USP24: variants seen among roughly 807,000 people sequenced by gnomAD.
USP24 encodes the protein ubiquitin specific peptidase 24.
USP24 carries 97 observed loss-of-function variants against 361.6 expected under a neutral mutation model. The ratio of observed to expected loss-of-function variants is 0.27; its 90% CI spans 0.23 to 0.32. The LOEUF (loss-of-function observed/expected upper bound fraction) is 0.32, where lower values mean the gene tolerates loss of function less well. Among genes scored for constraint, USP24 ranks in the 10% least tolerant of loss-of-function variants. USP24 has a pLI of 1.00. For synonymous variants in USP24, 1,098 were observed against 1,124.6 expected, an observed-to-expected ratio of 0.98 and a Z score of 0.47; for missense variants, 2,353 against 3,165.6, an observed-to-expected ratio of 0.74 and a Z score of 6.16.
At chr1:55,114,532 C>G (rs1168460586) in intron 38 of USP24, among the ~76,000 whole-genome samples, 1 of 152,082 alleles carries the variant, frequency 6.6e-6, no homozygotes, top group Non-Finnish European at 1.5e-5. Flanking sequence ...TGGTACTGTA[C>G]CAAAACAGAT....
chr1:55,206,830 G>A (rs898975352), intron 1 of USP24, among the ~76,000 whole-genome samples: 2 of 151,996 alleles, frequency 1.3e-5, no homozygotes, highest in East Asian at 3.9e-4. Flanking sequence ...GCTATTCACA[G>A]AGTACCTTCA....
chr1:55,135,278 C>A lies in USP24; in HGVS notation c.3202-865G>T, dbSNP rs1196591406. Among the ~76,000 whole-genome samples the A allele has an allele frequency of 2.0e-5, 3 of 152,282 alleles. No individual in the cohort carries two copies. In the East Asian group the frequency reaches 5.8e-4, roughly 29 times the overall value. On this transcript the variant is annotated intron_variant, in intron 28 of 67. Coordinates refer to ENST00000294383, the MANE Select transcript of USP24 (RefSeq NM_015306.3). Reference sequence around the variant, plus strand: ...AGGATTACAGGCATGAGCCACCACACCCAGTCTTCAAATACAGTTAACTCT... The same window carrying A: ...AGGATTACAGGCATGAGCCACCACAACCAGTCTTCAAATACAGTTAACTCT...
At chr1:55,127,895 G>A (rs926957181) in intron 32 of USP24, among the ~76,000 whole-genome samples, 6 of 152,024 alleles carry the variant, frequency 3.9e-5, no homozygotes, top group Non-Finnish European at 7.4e-5. Flanking sequence ...TCTATGCCCT[G>A]ACGCTACCTT....
rs1487104301 is a variant in USP24, at chr1:55,214,973, G to T, written c.141C>A (p.Gly47=). The change falls in exon 1 of 68, where the codon GGC becomes GGA. Residue 47 remains glycine, a synonymous_variant. Coordinates refer to ENST00000294383, the MANE Select transcript of USP24 (RefSeq NM_015306.3). ...AVALLTNERP[G]LDYGGYEPMD... The stretch of plus-strand genomic sequence containing the variant: ...TGGGCTCGTAGCCGCCGTAGTCGAG[G>T]CCCGGCCGCTCGTTGGTGAGCAGTG... The T allele has an allele frequency of 2.1e-6, 3 of 1,441,034 alleles. No homozygotes were observed. The highest frequency in any genetic ancestry group is 2.7e-6 in the Non-Finnish European group (3 of 1,093,704). The allele number at this position is 1,441,034 out of a possible 1,614,324, so 89.3% of individuals were successfully genotyped here. A position where few individuals can be genotyped will look rare whatever the true frequency, so the allele number is the denominator to read the frequency against.
intron 8 of USP24, among the ~76,000 whole-genome samples, chr1:55,161,483 G>T (rs920859599): frequency 4.6e-5 from 7 of 151,942 alleles, no homozygotes; most frequent in Non-Finnish European, 1.0e-4. Context: ...ATGTGATGTT[G>T]GAAAGAACAG....
At chr1:55,160,702 C>T (rs1227299128) in intron 8 of USP24, among the ~76,000 whole-genome samples, 1 of 152,176 alleles carries the variant, frequency 6.6e-6, no homozygotes, top group Non-Finnish European at 1.5e-5. Flanking sequence ...AAGGTACACT[C>T]TGTTTACATA....
intron 43 of USP24, among the ~76,000 whole-genome samples, chr1:55,101,273 G>T (rs1009040606): frequency 3.9e-5 from 6 of 152,120 alleles, no homozygotes; most frequent in Admixed American, 2.0e-4. Flanking sequence ...AGTGCTCATG[G>T]TAGACCCTAT....
In USP24 at chr1:55,075,468, T is replaced by C. The variant is rs770149475; in HGVS notation, c.7436A>G (p.Asn2479Ser). ...CCAGGCATACTTGCCTAGTAATCCA[T>C]TTTCTGTCTCAAACACAAATTTGAC... ...ERVKFVFETE[N>S]GLLALMHHSN... Residue 2479 changes from asparagine to serine, a missense_variant, in exon 63 of 68, where the codon AAT becomes AGT. Coordinates refer to ENST00000294383, the MANE Select transcript of USP24 (RefSeq NM_015306.3). 1.1e-5 allele frequency: 17 copies of C among 1,603,248 alleles called. No homozygotes were observed. Among genetic ancestry groups the C allele is most frequent in the Non-Finnish European group, 1.2e-5 (14 of 1,174,948 alleles).
Position 55,214,974 on chromosome 1 carries a change from C to T in USP24, c.140G>A (p.Gly47Asp), listed in dbSNP as rs766905928. 1.4e-6 allele frequency: 2 copies of T among 1,441,422 alleles called. No individual in the cohort carries two copies. Among genetic ancestry groups the T allele is most frequent in the Non-Finnish European group, 9.1e-7 (1 of 1,093,874 alleles). The allele number at this position is 1,441,422 out of a possible 1,614,324, so 89.3% of individuals were successfully genotyped here. Residue 47 changes from glycine to aspartate, a missense_variant, in exon 1 of 68, where the codon GGC (glycine) becomes GAC (aspartate). Physicochemically the swap from Gly to Asp is moderately conservative, Grantham distance 94. Around this residue, in one of 8 missense-constraint regions of USP24, gnomAD observed 253 missense variants for 255.3 expected, o/e 0.99. Transcript: ENST00000294383. ...GGGCTCGTAGCCGCCGTAGTCGAGG[C>T]CCGGCCGCTCGTTGGTGAGCAGTGC... is the stretch of plus-strand genomic sequence containing the variant. ...AVALLTNERP[G>D]LDYGGYEPMD...
intron 1 of USP24, among the ~76,000 whole-genome samples, chr1:55,189,684 T>C (rs1644234682): frequency 6.6e-6 from 1 of 152,174 alleles, no homozygotes; most frequent in South Asian, 2.1e-4. Context: ...CGGTGAACTT[T>C]ATAGTATAAG....
At chr1:55,145,444 C>A (rs1016287584) in intron 20 of USP24, among the ~76,000 whole-genome samples, 3 of 152,060 alleles carry the variant, frequency 2.0e-5, no homozygotes, top group Non-Finnish European at 2.9e-5. Context: ...CCATTCATAT[C>A]AAATGTCCAG....
At chr1:55,143,406 G>A (rs1646943340) in intron 21 of USP24, among the ~76,000 whole-genome samples, 1 of 152,194 alleles carries the variant, frequency 6.6e-6, no homozygotes, top group Non-Finnish European at 1.5e-5. Context: ...ACAGGCTACT[G>A]AAGCAGAAAT....
At chr1:55,144,327 T>C (rs552999450) in intron 20 of USP24, 124 bp from the exon 21 acceptor site, 2 of 516,770 alleles carry the variant, frequency 3.9e-6, no homozygotes, top group South Asian at 9.0e-5. Flanking sequence ...TTAGATATGG[T>C]ACCAAAGCAG....
At chr1:55,199,082 G>C (rs1427234207) in intron 1 of USP24, among the ~76,000 whole-genome samples, 1 of 152,124 alleles carries the variant, frequency 6.6e-6, no homozygotes, top group African/African-American at 2.4e-5. Context: ...TTGAGGCCAG[G>C]AGTTTGGGAC....
At chr1:55,100,729 G>T in intron 44 of USP24, 110 bp downstream of exon 44, 3 of 1,101,876 alleles carry the variant, frequency 2.7e-6, no homozygotes, top group Non-Finnish European at 3.5e-6. Context: ...ACAGTTTCTT[G>T]GCAAGAGATT....
At chr1:55,121,300 G>C in intron 37 of USP24, 136 bp downstream of exon 37, 3 of 670,860 alleles carry the variant, frequency 4.5e-6, no homozygotes, top group Non-Finnish European at 7.3e-6. Context: ...TTCTTTCATG[G>C]TCTGCAGCCC....
At chr1:55,120,781 A>G in intron 37 of USP24, 25 bp from the exon 38 acceptor site, 1 of 1,542,050 alleles carries the variant, frequency 6.5e-7, no homozygotes, top group Non-Finnish European at 8.8e-7. Context: ...TCAGCAGCAA[A>G]GGACAGACAT....
intron 52 of USP24, 66 bp from the exon 53 acceptor site, chr1:55,092,982 C>A: frequency 1.9e-6 from 2 of 1,036,104 alleles, no homozygotes; most frequent in Non-Finnish European, 2.7e-6. Context: ...AAGGACATTT[C>A]TAATGATATG....
chr1:55,072,828 A>C lies in USP24; in HGVS notation c.7560T>G (p.Asn2520Lys), dbSNP rs1644948564. The change falls in exon 65 of 68, where the codon AAT becomes AAG. Residue 2520 changes from asparagine (N) to lysine (K), a missense_variant. Around this residue, in one of 8 missense-constraint regions of USP24, gnomAD observed 598 missense variants for 761.9 expected, o/e 0.78. Transcript: ENST00000294383. ...GCACAGCCCAGCTCCAGTGGTGGGA[A>C]TTCTCCTTGAAGTACTCCTTAGCTG... ...CPAAKEYFKE[N>K]SHHWSWAVQW... 6.2e-7 allele frequency: 1 copy of C among 1,608,178 alleles called. No homozygotes were observed. The highest frequency in any genetic ancestry group is 8.5e-7 in the Non-Finnish European group (1 of 1,177,262).
Sources: gnomAD v4.1 joint callset for allele counts (sites outside exome capture counted in the v4.1 genomes callset) on GRCh38, gnomAD v4.1.1 for gene constraint, gnomAD v4.1.1 regional missense constraint, MANE v1.5 for transcripts, NCBI Gene and HGNC (gene_info 2026-07-23, HGNC 2026-07-21) for gene names.